The following ADAMTSL1 variants were observed in gnomAD, a reference collection of about 807,000 sequenced individuals.
ADAMTSL1 encodes the protein ADAMTS-like protein 1.
In ADAMTSL1, 126 loss-of-function variants were observed where a neutral mutation model predicts 201.8. That is an observed-to-expected ratio of 0.62 (90% CI 0.54 to 0.72). The LOEUF is 0.72. Ranked by LOEUF, ADAMTSL1 falls within the 30% of genes least tolerant of loss-of-function variation. ADAMTSL1 has a pLI of 0.00. For missense variants in ADAMTSL1, 2,679 were observed against 2,277.8 expected (o/e 1.18, Z -3.59); for synonymous variants, 1,121 against 903.4 (o/e 1.24, Z -4.32).
At chr9:18,694,351 G>A (rs538412342) in intron 13 of ADAMTSL1, among the ~76,000 whole-genome samples, 13 of 152,020 alleles carry the variant, frequency 8.6e-5, no homozygotes, top group Middle Eastern at 3.4e-3. Context: ...AACTCACTTC[G>A]GCATTAACTC....
At chr9:18,825,555 A>AT (rs199634024) in intron 21 of ADAMTSL1, among the ~76,000 whole-genome samples, 4,239 of 152,280 alleles carry the variant, frequency 0.028, 90 homozygotes, top group Non-Finnish European at 0.043. Flanking sequence ...TCATACATAT[A>AT]TTTTAACGTT....
rs985952895 is a variant in ADAMTSL1, at chr9:18,795,541, T to C, written c.3805+17T>C. On this transcript the variant is annotated intron_variant, in intron 20 of 28. Transcript: ENST00000380548. ...CATTAGCAGGTAACCCAAAAATCCC[T>C]GTTCTGTTCATTTCATAAACCTTTA... is the stretch of plus-strand genomic sequence containing the variant. The C allele has an allele frequency of 1.3e-5, 20 of 1,596,590 alleles. No individual in the cohort carries two copies. Among genetic ancestry groups the C allele is most frequent in the Non-Finnish European group, 1.7e-5 (20 of 1,170,684 alleles).
chr9:18,670,577 GTTTC>G (rs1412494121), intron 9 of ADAMTSL1, among the ~76,000 whole-genome samples: 1 of 152,208 alleles, frequency 6.6e-6, no homozygotes, highest in Non-Finnish European at 1.5e-5. Flanking sequence ...CAGTTTGGGA[GTTTC>G]TTTCCTTCCT....
intron 2 of ADAMTSL1, among the ~76,000 whole-genome samples, chr9:18,333,251 T>C (rs912660990): frequency 7.2e-5 from 11 of 152,182 alleles, no homozygotes; most frequent in Non-Finnish European, 1.3e-4. Context: ...TCTGTGTATC[T>C]TGGGAGGGTC....
chr9:18,602,765 C>A (rs1824745245), intron 4 of ADAMTSL1, among the ~76,000 whole-genome samples: 1 of 152,168 alleles, frequency 6.6e-6, no homozygotes, highest in South Asian at 2.1e-4. Context: ...TGTAGGTAAT[C>A]TATGATATCT....
chr9:18,817,306 A>G (rs1310610284), intron 21 of ADAMTSL1, 69 bp downstream of exon 21: 1 of 1,459,152 alleles, frequency 6.9e-7, no homozygotes, highest in Non-Finnish European at 9.2e-7. Flanking sequence ...TACAAAGACA[A>G]ATTAGACACA....
intron 2 of ADAMTSL1, among the ~76,000 whole-genome samples, chr9:18,420,906 G>A (rs1225432375): frequency 6.6e-6 from 1 of 152,158 alleles, no homozygotes; most frequent in Non-Finnish European, 1.5e-5. Context: ...TTAAGGCTGT[G>A]CCTTGGCCCT....
At chr9:18,369,927 G>T (rs1402119926) in intron 2 of ADAMTSL1, among the ~76,000 whole-genome samples, 1 of 152,096 alleles carries the variant, frequency 6.6e-6, no homozygotes, top group Non-Finnish European at 1.5e-5. Context: ...AATACTAAAT[G>T]TTCTCACTTA....
intron 2 of ADAMTSL1, among the ~76,000 whole-genome samples, chr9:18,278,394 T>C (rs1159522756): frequency 6.6e-6 from 1 of 152,208 alleles, no homozygotes; most frequent in African/African-American, 2.4e-5. Flanking sequence ...ATCTCTCTTT[T>C]GTTTCTAAAG....
chr9:18,594,404 T>C lies in ADAMTSL1; in HGVS notation c.474+20138T>C, dbSNP rs867707054. On this transcript the variant is annotated intron_variant, in intron 4 of 28. Coordinates refer to ENST00000380548, the MANE Select transcript of ADAMTSL1 (RefSeq NM_001040272.6). ...GGACATTTTTCTGTTACTACTTTTT[T>C]GAATATTGTCTCTACACCTTTCTTT... is the stretch of plus-strand genomic sequence containing the variant. Among the ~76,000 whole-genome samples the C allele has an allele frequency of 2.0e-5, 3 of 152,208 alleles. No homozygotes were observed. In the South Asian group the frequency reaches 6.2e-4, roughly 31 times the overall value.
At chr9:17,958,899 G>C (rs1321952140) in intron 1 of ADAMTSL1, among the ~76,000 whole-genome samples, 1 of 152,076 alleles carries the variant, frequency 6.6e-6, no homozygotes, top group Non-Finnish European at 1.5e-5. Flanking sequence ...CATGTCATTT[G>C]GGTATTAATG....
intron 23 of ADAMTSL1, among the ~76,000 whole-genome samples, chr9:18,845,171 G>A (rs910773665): frequency 6.6e-6 from 1 of 152,082 alleles, no homozygotes; most frequent in East Asian, 1.9e-4. Context: ...GTTCCTATTC[G>A]GCCATCTTGG....
chr9:18,502,248 C>T (rs962512592), intron 1 of ADAMTSL1, among the ~76,000 whole-genome samples: 39 of 152,168 alleles, frequency 2.6e-4, no homozygotes, highest in African/African-American at 8.4e-4. Flanking sequence ...TCAATTACTG[C>T]ATGAATCCTA....
intron 1 of ADAMTSL1, among the ~76,000 whole-genome samples, chr9:18,023,779 A>G (rs918404566): frequency 6.6e-6 from 1 of 152,160 alleles, no homozygotes; most frequent in Non-Finnish European, 1.5e-5. Flanking sequence ...TTCTTGAAAG[A>G]CTAATGATTT....
At chr9:18,098,197 A>G (rs1329779061) in intron 1 of ADAMTSL1, among the ~76,000 whole-genome samples, 1 of 151,998 alleles carries the variant, frequency 6.6e-6, no homozygotes, top group Non-Finnish European at 1.5e-5. Context: ...CTAATAATAT[A>G]TTGATTAATA....
intron 2 of ADAMTSL1, among the ~76,000 whole-genome samples, chr9:18,433,824 C>A (rs1201473849): frequency 6.6e-6 from 1 of 152,168 alleles, no homozygotes; most frequent in African/African-American, 2.4e-5. Flanking sequence ...TGTAACAGAT[C>A]TGTTCCACAA....
In ADAMTSL1 at chr9:18,368,315, A is replaced by G. The variant is rs925278769; in HGVS notation, c.208-136514A>G. Among the ~76,000 whole-genome samples the G allele has an allele frequency of 2.6e-5, 4 of 152,192 alleles. No homozygotes were observed. In the East Asian group the frequency reaches 7.7e-4, roughly 29 times the overall value. On this transcript the variant is annotated intron_variant, in intron 2 of 29. Coordinates refer to the ADAMTSL1 transcript ENST00000680146. ...ACTACACGACTTTCACCATGAGCAC[A>G]TGTTAAAACACACTGCTGTACCAGA... is the stretch of plus-strand genomic sequence containing the variant.
intron 1 of ADAMTSL1, among the ~76,000 whole-genome samples, chr9:18,015,553 A>G (rs1820221560): frequency 6.6e-6 from 1 of 152,002 alleles, no homozygotes; most frequent in African/African-American, 2.4e-5. Flanking sequence ...CTCACTTGAC[A>G]CGTATTATTG....
chr9:18,652,067 C>T (rs59589985), intron 7 of ADAMTSL1, among the ~76,000 whole-genome samples: 13,049 of 151,870 alleles, frequency 0.086, 622 homozygotes, highest in African/African-American at 0.12. Flanking sequence ...TCATTGAATA[C>T]TAAAGAAAGA....
Sources: allele counts gnomAD v4.1 joint callset (sites outside exome capture counted in the v4.1 genomes callset), GRCh38; gene constraint gnomAD v4.1.1; transcripts MANE v1.5; gene names NCBI Gene and HGNC (gene_info 2026-07-23, HGNC 2026-07-21).